The following FTO variants were observed in gnomAD, a reference collection of about 807,000 sequenced individuals.
FTO encodes FTO alpha-ketoglutarate dependent dioxygenase, also known as alpha-ketoglutarate-dependent dioxygenase FTO.
FTO carries 47 observed loss-of-function variants against 63.9 expected under a neutral mutation model. That is an observed-to-expected ratio of 0.74 (90% CI 0.58 to 0.94). The LOEUF (loss-of-function observed/expected upper bound fraction) is 0.94, where lower values mean the gene tolerates loss of function less well. Ranked by LOEUF, FTO falls within the 40% of genes least tolerant of loss-of-function variation. The pLI, the probability that FTO is intolerant of heterozygous loss-of-function variation, is 0.00. For synonymous variants in FTO, 207 were observed against 224.4 expected (o/e 0.92, Z 0.69); for missense variants, 562 against 618.1 (o/e 0.91, Z 0.96).
At chr16:53,995,849 T>A (rs778208789) in intron 8 of FTO, among the ~76,000 whole-genome samples, 9 of 152,178 alleles carry the variant, frequency 5.9e-5, no homozygotes, top group African/African-American at 4.8e-5. Flanking sequence ...TGCTGGATGC[T>A]CATTTTCCCG....
chr16:53,973,764 G>A (rs1388920848), intron 8 of FTO, among the ~76,000 whole-genome samples: 2 of 152,140 alleles, frequency 1.3e-5, no homozygotes, highest in African/African-American at 4.8e-5. Flanking sequence ...ACTTTGGGGC[G>A]AGTGTGAAAA....
At chr16:54,072,024 T>G (rs1324006248) in intron 8 of FTO, 2 of 152,186 alleles carry the variant, frequency 1.3e-5, no homozygotes, top group African/African-American at 4.8e-5. Context: ...ATTAAAATTT[T>G]TGATCATAGA....
At chr16:53,892,123 G>A (rs147454194) in intron 7 of FTO, among the ~76,000 whole-genome samples, 8 of 152,260 alleles carry the variant, frequency 5.3e-5, no homozygotes, top group Admixed American at 5.2e-4. Flanking sequence ...CAGAATAATT[G>A]TTGGATGAAT....
chr16:53,846,672 C>T (rs77612975), intron 4 of FTO, among the ~76,000 whole-genome samples: 6 of 151,738 alleles, frequency 4.0e-5, no homozygotes, highest in African/African-American at 1.2e-4. Flanking sequence ...TGTGGTGGCA[C>T]GTGCCTGTAA....
intron 8 of FTO, among the ~76,000 whole-genome samples, chr16:53,950,152 T>A (rs1339384493): frequency 3.8e-5 from 2 of 52,404 alleles, no homozygotes; most frequent in African/African-American, 1.1e-4. Flanking sequence ...ATATTCACAT[T>A]TGTAAAAAAA....
At position 54,019,860 on chromosome 16, in the gene FTO, C is replaced by T. The variant is rs556836863; in HGVS notation, c.1364+85751C>T. Among the ~76,000 whole-genome samples, 13 of 152,294 alleles carry T rather than the reference C, an allele frequency of 8.5e-5. No individual in the cohort carries two copies. In the South Asian group the frequency reaches 2.5e-3, roughly 29 times the overall value. ...ACAGCGTAGCATTTTGAACACTTCA[C>T]TACTCATTAGCACCTCCAGTGAGAG... On this transcript the variant is annotated intron_variant, in intron 8 of 8. Transcript: ENST00000471389.
At chr16:54,061,704 A>G (rs550316232) in intron 8 of FTO, 11 of 152,372 alleles carry the variant, frequency 7.2e-5, no homozygotes, top group Admixed American at 7.2e-4. Context: ...ACTCAACTTC[A>G]TCCCCGGCCC....
intron 7 of FTO, among the ~76,000 whole-genome samples, chr16:53,923,787 C>T (rs1198102379): frequency 6.6e-6 from 1 of 151,974 alleles, no homozygotes; most frequent in Non-Finnish European, 1.5e-5. Flanking sequence ...CGTACATTGC[C>T]CCAGCATCCG....
intron 1 of FTO, among the ~76,000 whole-genome samples, chr16:53,777,484 A>T (rs2077488587): frequency 6.6e-6 from 1 of 152,134 alleles, no homozygotes; most frequent in Admixed American, 6.6e-5. Context: ...AACTTTTCTT[A>T]CTTTGTTATA....
chr16:53,994,062 G>A (rs1199116211), intron 8 of FTO: 1 of 152,146 alleles, frequency 6.6e-6, no homozygotes, highest in Non-Finnish European at 1.5e-5. Flanking sequence ...TTGCAAATGG[G>A]ATTGGCCTCT....
chr16:54,051,474 G>A (rs2085310820), intron 8 of FTO, among the ~76,000 whole-genome samples: 1 of 152,244 alleles, frequency 6.6e-6, no homozygotes, highest in Admixed American at 6.5e-5. Flanking sequence ...CTGGGCCTGA[G>A]CCAGGCTTTG....
Position 54,113,562 on chromosome 16 carries a change from T to C in FTO, c.*1647T>C, listed in dbSNP as rs982160161. ...GTGTCTTTGAGCCTCAGTTTCCTCA[T>C]TGGTAAAAGAGAAGTGAAGCAGTGT... On this transcript the variant is annotated 3_prime_UTR_variant, in exon 9 of 9. Transcript: ENST00000471389. 6.6e-6 allele frequency: 1 copy of C among 152,130 alleles called. No homozygotes were observed. Among genetic ancestry groups the C allele is most frequent in the Non-Finnish European group, 1.5e-5 (1 of 68,028 alleles). The allele number at this position is 152,130 out of a possible 1,614,324, so 9.4% of individuals were successfully genotyped here.
chr16:54,023,160 G>T (rs1451298148), intron 8 of FTO, among the ~76,000 whole-genome samples: 2 of 152,222 alleles, frequency 1.3e-5, no homozygotes. Flanking sequence ...AACAGGACTA[G>T]CAATTACGCA....
rs1044159116 is a variant in FTO, at chr16:53,854,522, A to G, written c.895+10224A>G. Among the ~76,000 whole-genome samples, 7 of 152,090 alleles carry G rather than the reference A, an allele frequency of 4.6e-5. No individual in the cohort carries two copies. In the South Asian group the frequency reaches 6.2e-4, roughly 14 times the overall value. On this transcript the variant is annotated intron_variant, in intron 4 of 8. Coordinates refer to ENST00000471389, the MANE Select transcript of FTO (RefSeq NM_001080432.3). Reference sequence around the variant, plus strand: ...TCATTCTTCTACATGTGGCTATCCAATGTTCCCGCACTGTTTTGAATAGGG... The same window carrying G: ...TCATTCTTCTACATGTGGCTATCCAGTGTTCCCGCACTGTTTTGAATAGGG...
intron 1 of FTO, among the ~76,000 whole-genome samples, chr16:53,738,087 G>A (rs757168692): frequency 1.1e-4 from 17 of 148,080 alleles, no homozygotes; most frequent in Non-Finnish European, 2.4e-4. Context: ...GTGCAATGGC[G>A]TGATCTCAGC....
At chr16:54,107,867 G>A (rs1237867820) in intron 8 of FTO, among the ~76,000 whole-genome samples, 4 of 152,324 alleles carry the variant, frequency 2.6e-5, no homozygotes, top group South Asian at 4.1e-4. Context: ...GGCCAGGAGA[G>A]GAGAAAGTCT....
chr16:54,008,152 A>G (rs1450642411), intron 8 of FTO, among the ~76,000 whole-genome samples: 1 of 152,072 alleles, frequency 6.6e-6, no homozygotes, highest in East Asian at 1.9e-4. Context: ...GTAGGTTCCA[A>G]CTCCTTCCAT....
intron 1 of FTO, among the ~76,000 whole-genome samples, chr16:53,728,305 C>T (rs753857788): frequency 6.6e-6 from 1 of 152,084 alleles, no homozygotes; most frequent in African/African-American, 2.4e-5. Flanking sequence ...CACAGTCAAT[C>T]GTTGTGTTCC....
chr16:54,048,125 T>TAAA (rs2085220979), intron 8 of FTO, among the ~76,000 whole-genome samples: 5 of 34,728 alleles, frequency 1.4e-4, no homozygotes, highest in African/African-American at 1.1e-3. Context: ...AAAAAAAAAA[T>TAAA]TAAAAAAAAA....
Sources: allele counts gnomAD v4.1 joint callset (sites outside exome capture counted in the v4.1 genomes callset), GRCh38; gene constraint gnomAD v4.1.1; transcripts MANE v1.5; gene names NCBI Gene and HGNC (gene_info 2026-07-23, HGNC 2026-07-21).